Variants in SUDS3 observed in about 807,000 individuals in gnomAD.
SUDS3 encodes the protein SIN3A corepressor complex component SDS3.
In SUDS3, 23 loss-of-function variants were observed where a neutral mutation model predicts 53.5. The observed-to-expected ratio is 0.43, with a 90% CI of 0.31 to 0.61. The LOEUF is 0.61. Among genes scored for constraint, SUDS3 ranks in the 20% least tolerant of loss-of-function variants. The pLI, the probability that SUDS3 is intolerant of heterozygous loss-of-function variation, is 0.10. For synonymous variants in SUDS3, 150 were observed against 148.5 expected (o/e 1.01, Z -0.08); for missense variants, 291 against 405.9 (o/e 0.72, Z 2.43).
In SUDS3 at chr12:118,376,861, C is replaced by G. The variant is rs564841190; in HGVS notation, c.142+28C>G. The G allele has an allele frequency of 4.6e-4, 573 of 1,232,578 alleles. 1 individual carries two copies. The highest frequency in any genetic ancestry group is 7.3e-4 in the Admixed American group (28 of 38,248). The allele number at this position is 1,232,578 out of a possible 1,614,324, so 76.4% of individuals were successfully genotyped here. A position where few individuals can be genotyped will look rare whatever the true frequency, so the allele number is the denominator to read the frequency against. On this transcript the variant is annotated intron_variant, in intron 1 of 11. Transcript: ENST00000543473. ...GAGTCCTGCCGCTCGCCCGGCCGCCCGGAGCGGAGGTGGGACCGCTGGGGG... is the reference window on the plus strand; with the variant it reads ...GAGTCCTGCCGCTCGCCCGGCCGCCGGGAGCGGAGGTGGGACCGCTGGGGG...
At chr12:118,398,612 G>T (rs2046236687) in intron 6 of SUDS3, among the ~76,000 whole-genome samples, 3 of 112,538 alleles carry the variant, frequency 2.7e-5, no homozygotes, top group Non-Finnish European at 3.6e-5. Flanking sequence ...ACATGCAGAA[G>T]CCTTTTTTTT....
At position 118,391,146 on chromosome 12, in the gene SUDS3, T is replaced by C. The variant is rs1400128278; in HGVS notation, c.381T>C (p.Asn127=). ...LQLETEQVER[N]YIKEKKAAVK... ...CTCAGACTGAACAAGTGGAACGAAA[T>C]TACATTAAAGAAAAGAAGGCAGCAG... is the stretch of plus-strand genomic sequence containing the variant. Residue 127 remains asparagine, a synonymous_variant, in exon 6 of 12, where the codon AAT becomes AAC. Transcript: ENST00000543473. 1.2e-6 allele frequency: 2 copies of C among 1,613,140 alleles called. No individual in the cohort carries two copies. Among genetic ancestry groups the C allele is most frequent in the African/African-American group, 1.3e-5 (1 of 74,708 alleles).
At chr12:118,384,811 G>A (rs1452279415) in intron 3 of SUDS3, among the ~76,000 whole-genome samples, 2 of 150,834 alleles carry the variant, frequency 1.3e-5, no homozygotes, top group Admixed American at 1.3e-4. Context: ...CAGCATGGGC[G>A]ACAAAGCGAG....
chr12:118,397,206 A>G (rs1354932219), intron 6 of SUDS3, among the ~76,000 whole-genome samples: 1 of 151,938 alleles, frequency 6.6e-6, no homozygotes, highest in Non-Finnish European at 1.5e-5. Context: ...GCCTGACTGA[A>G]TCCCTGCTCA....
At chr12:118,378,098 G>A (rs1195794944) in intron 1 of SUDS3, among the ~76,000 whole-genome samples, 3 of 152,096 alleles carry the variant, frequency 2.0e-5, no homozygotes, top group Non-Finnish European at 4.4e-5. Flanking sequence ...GCGCTGTGGA[G>A]CCAAAATTGA....
rs1342168432 is a variant in SUDS3 at position 118,394,073 on chromosome 12, C to T, written c.517+2791C>T. Among the ~76,000 whole-genome samples the T allele has an allele frequency of 2.0e-5, 3 of 152,106 alleles. No individual in the cohort carries two copies. In the East Asian group the frequency reaches 5.8e-4, roughly 29 times the overall value. On this transcript the variant is annotated intron_variant, in intron 6 of 11. Coordinates refer to ENST00000543473, the MANE Select transcript of SUDS3 (RefSeq NM_022491.3). Reference sequence around the variant, plus strand: ...CAATGTCAAAATAGAAGTCTGTTTCCCAAGCACTTACACTGAGCCAAGCAT... The same window carrying T: ...CAATGTCAAAATAGAAGTCTGTTTCTCAAGCACTTACACTGAGCCAAGCAT...
intron 10 of SUDS3, among the ~76,000 whole-genome samples, chr12:118,410,571 A>AT (rs1313643228): frequency 2.3e-5 from 3 of 132,298 alleles, no homozygotes; most frequent in African/African-American, 6.5e-5. Flanking sequence ...TTATTTATTT[A>AT]TTTATTTATT....
intron 10 of SUDS3, among the ~76,000 whole-genome samples, chr12:118,409,147 T>C (rs1343076237): frequency 6.7e-6 from 1 of 149,500 alleles, no homozygotes; most frequent in African/African-American, 2.5e-5. Flanking sequence ...GAATTTAAAA[T>C]TCTTTTTTTT....
At chr12:118,390,848 T>C (rs2046160215) in intron 5 of SUDS3, 1 of 422,822 alleles carries the variant, frequency 2.4e-6, no homozygotes, top group Non-Finnish European at 4.5e-6. Context: ...AGCGATTATT[T>C]ACTACCTTTG....
chr12:118,392,044 A>G (rs2046172572), intron 6 of SUDS3, among the ~76,000 whole-genome samples: 1 of 152,262 alleles, frequency 6.6e-6, no homozygotes, highest in African/African-American at 2.4e-5. Context: ...TAGACTGATG[A>G]TTCCTAGAAG....
chr12:118,402,090 A>G (rs1365945557), intron 9 of SUDS3, 86 bp downstream of exon 9: 2 of 1,491,674 alleles, frequency 1.3e-6, no homozygotes, highest in Non-Finnish European at 9.3e-7. Context: ...AAATGGTTGC[A>G]ATTTTCAAAA....
At chr12:118,379,700 C>G (rs572727779) in intron 1 of SUDS3, among the ~76,000 whole-genome samples, 3 of 152,304 alleles carry the variant, frequency 2.0e-5, no homozygotes, top group Middle Eastern at 6.8e-3. Context: ...TCCAGTCTTA[C>G]GCCTGCATCT....
At chr12:118,413,729 A>G (rs2046377557) in intron 11 of SUDS3, among the ~76,000 whole-genome samples, 1 of 152,176 alleles carries the variant, frequency 6.6e-6, no homozygotes, top group South Asian at 2.1e-4. Flanking sequence ...ATGCACTGTA[A>G]TCTAATACTG....
intron 6 of SUDS3, among the ~76,000 whole-genome samples, chr12:118,400,025 A>G (rs376737318): frequency 6.6e-6 from 1 of 152,112 alleles, no homozygotes; most frequent in Non-Finnish European, 1.5e-5. Flanking sequence ...GGGAGGAGCT[A>G]TTTGAAGGCG....
chr12:118,387,891 A>G (rs1319093856), intron 4 of SUDS3, among the ~76,000 whole-genome samples: 1 of 152,178 alleles, frequency 6.6e-6, no homozygotes, highest in African/African-American at 2.4e-5. Context: ...CTCCTAGGTA[A>G]AAATGCAGAA....
intron 6 of SUDS3, among the ~76,000 whole-genome samples, chr12:118,391,669 G>A (rs2046169265): frequency 6.6e-6 from 1 of 152,142 alleles, no homozygotes; most frequent in Non-Finnish European, 1.5e-5. Flanking sequence ...TTCCCAAATT[G>A]CTTACGCAAG....
At chr12:118,398,442 T>C (rs145287292) in intron 6 of SUDS3, among the ~76,000 whole-genome samples, 1,750 of 152,234 alleles carry the variant, frequency 0.011, 15 homozygotes, top group Middle Eastern at 0.024. Context: ...AGATTTCTTT[T>C]AGGGAGAAGC....
intron 11 of SUDS3, among the ~76,000 whole-genome samples, chr12:118,413,917 G>C (rs1262419609): frequency 6.6e-6 from 1 of 152,142 alleles, no homozygotes; most frequent in Non-Finnish European, 1.5e-5. Context: ...TTGAAAGTTT[G>C]TATAATATGG....
chr12:118,399,391 A>C (rs1463477893), intron 6 of SUDS3, among the ~76,000 whole-genome samples: 1 of 152,168 alleles, frequency 6.6e-6, no homozygotes, highest in Non-Finnish European at 1.5e-5. Flanking sequence ...AGTCCCAGCT[A>C]CTTGGGAGGC....
Sources: allele counts gnomAD v4.1 joint callset (sites outside exome capture counted in the v4.1 genomes callset), GRCh38; gene constraint gnomAD v4.1.1; transcripts MANE v1.5; gene names NCBI Gene and HGNC (gene_info 2026-07-23, HGNC 2026-07-21).